Variants in EVC observed in about 807,000 individuals in gnomAD.
EVC encodes evC complex member EVC.
A neutral mutation model predicts 118.9 loss-of-function variants in EVC; 116 were observed. The observed-to-expected ratio is 0.98, with a 90% CI of 0.84 to 1.14. EVC has a LOEUF of 1.14. EVC is among the 50% of genes most tolerant of loss of function. The pLI is 0.00. For synonymous variants in EVC, 619 were observed against 534.7 expected (o/e 1.16, Z -2.18); for missense variants, 1,401 against 1,246.4 (o/e 1.12, Z -1.87).
At position 5,736,474 on chromosome 4, in the gene EVC, C is replaced by G. The variant is rs1392469219; in HGVS notation, c.702+3039C>G. Among the ~76,000 whole-genome samples the G allele has an allele frequency of 4.0e-5, 6 of 150,322 alleles. No individual in the cohort carries two copies. In the East Asian group the frequency reaches 1.2e-3, roughly 30 times the overall value. On this transcript the variant is annotated intron_variant, in intron 5 of 20. Coordinates refer to ENST00000264956, the MANE Select transcript of EVC (RefSeq NM_153717.3). ...TGTGCCTGCACACCTGGCGTTATTGCATTTCACTTAATTGCGCTTCAGAGA... is the reference window on the plus strand; with the variant it reads ...TGTGCCTGCACACCTGGCGTTATTGGATTTCACTTAATTGCGCTTCAGAGA...
chr4:5,810,244 C>A, intron 19 of EVC, 95 bp from the exon 20 acceptor site: 1 of 949,324 alleles, frequency 1.1e-6, no homozygotes, highest in Admixed American at 2.0e-5. Flanking sequence ...ACACAACATG[C>A]TCAAAAATGT....
In EVC at chr4:5,742,143, G is replaced by A. The variant is rs1178857640; in HGVS notation, c.801+329G>A. On this transcript the variant is annotated intron_variant, in intron 6 of 20. Coordinates refer to ENST00000264956, the MANE Select transcript of EVC (RefSeq NM_153717.3). This position sits in a 1 kb window ranked among gnomAD's most constrained non-coding sequence, Gnocchi z 5.2. ...TGGTTATAGCTATGTATACTACTTT[G>A]TATTCTATTCTCAGTCTTTTATGGA... 6.6e-6 allele frequency among the ~76,000 whole-genome samples: 1 copy of A among 152,030 alleles called. No individual in the cohort carries two copies. Among genetic ancestry groups the A allele is most frequent in the African/African-American group, 2.4e-5 (1 of 41,388 alleles).
chr4:5,739,070 A>C (rs976548570), intron 5 of EVC, among the ~76,000 whole-genome samples: 1 of 152,152 alleles, frequency 6.6e-6, no homozygotes, highest in Non-Finnish European at 1.5e-5. Context: ...TATTCACCTT[A>C]CTGAGGTGGC....
chr4:5,753,046 A>G lies in EVC; in HGVS notation c.1309A>G (p.Ser437Gly). 5.0e-6 allele frequency: 8 copies of G among 1,587,952 alleles called. No homozygotes were observed. Among genetic ancestry groups the G allele is most frequent in the Non-Finnish European group, 6.8e-6 (8 of 1,168,200 alleles). ...KAFWQEAERF[S>G]REFVQRGKDL... is the part of the protein sequence containing the mutation. ...CTTCTGGCAGGAGGCAGAGCGCTTCAGCCGGGGTGAGCCGTGGGCATGGGT... is the reference window on the plus strand; with the variant it reads ...CTTCTGGCAGGAGGCAGAGCGCTTCGGCCGGGGTGAGCCGTGGGCATGGGT... Residue 437 changes from serine (S) to glycine (G), a missense_variant, in exon 9 of 21, where the codon AGC (serine) becomes GGC (glycine). By Grantham distance (56) the Ser-to-Gly change is moderately conservative. Coordinates refer to ENST00000264956, the MANE Select transcript of EVC (RefSeq NM_153717.3).
In EVC at chr4:5,811,209, A is replaced by G; in HGVS notation, c.*172A>G. ...ATGTGCCCTAAAAGCATAAATGAGT[A>G]TCACCTGAGAAAATTAGGCATTCCC... On this transcript the variant is annotated 3_prime_UTR_variant, in exon 21 of 21. Coordinates refer to ENST00000264956, the MANE Select transcript of EVC (RefSeq NM_153717.3). 1 of 619,332 alleles carries G rather than the reference A, an allele frequency of 1.6e-6. No homozygotes were observed. The allele number at this position is 619,332 out of a possible 1,614,324, so 38.4% of individuals were successfully genotyped here.
In EVC at chr4:5,810,387, G is replaced by A. The variant is rs1716701144; in HGVS notation, c.2831G>A (p.Gly944Glu). 1 of 1,613,910 alleles carries A rather than the reference G, an allele frequency of 6.2e-7. No homozygotes were observed. The highest frequency in any genetic ancestry group is 1.6e-4 in the Middle Eastern group (1 of 6,062). The change falls in exon 20 of 21, where the codon GGG becomes GAG. Residue 944 changes from glycine (G) to glutamate (E), a missense_variant. Coordinates refer to ENST00000264956, the MANE Select transcript of EVC (RefSeq NM_153717.3). Reference protein sequence around the residue: ...KRKKPLPQERGDLGVPNNEDL... With the variant: ...KRKKPLPQEREDLGVPNNEDL... Reference sequence around the variant, plus strand: ...AAGAAGCCCCTGCCCCAGGAAAGAGGGGACCTGGGGGTGCCCAACAATGAG... The same window carrying A: ...AAGAAGCCCCTGCCCCAGGAAAGAGAGGACCTGGGGGTGCCCAACAATGAG...
chr4:5,818,253 CTG>C (rs749498218), downstream of EVC, among the ~76,000 whole-genome samples: 5 of 152,196 alleles, frequency 3.3e-5, no homozygotes, highest in Non-Finnish European at 5.9e-5. Context: ...CCACGTGGAA[CTG>C]TGAGTCCATT....
intron 2 of EVC, among the ~76,000 whole-genome samples, chr4:5,721,215 A>T (rs1335579621): frequency 6.6e-6 from 1 of 152,240 alleles, no homozygotes; most frequent in African/African-American, 2.4e-5. Context: ...ACTTGTACAC[A>T]AATGTTCAAA....
At chr4:5,785,784 G>A (rs1463857167) in intron 12 of EVC, among the ~76,000 whole-genome samples, 2 of 152,198 alleles carry the variant, frequency 1.3e-5, no homozygotes, top group African/African-American at 4.8e-5. Flanking sequence ...TGCAGCTTTG[G>A]AAATGATTAC....
intron 2 of EVC, among the ~76,000 whole-genome samples, chr4:5,727,346 G>GT (rs1387708581): frequency 3.9e-5 from 6 of 152,120 alleles, no homozygotes; most frequent in African/African-American, 1.2e-4. Flanking sequence ...TTTTTCATGT[G>GT]TTTTTTGGCT....
intron 1 of EVC, among the ~76,000 whole-genome samples, chr4:5,712,530 C>G (rs1027029371): frequency 4.6e-5 from 7 of 152,190 alleles, no homozygotes; most frequent in African/African-American, 1.7e-4. Flanking sequence ...ACTTCTGCCT[C>G]TTTGGGGTGG....
In EVC at chr4:5,748,243, T is replaced by C. The variant is rs2152045460; in HGVS notation, c.1035T>C (p.Thr345=). 1 of 1,614,128 alleles carries C rather than the reference T, an allele frequency of 6.2e-7. No homozygotes were observed. Among genetic ancestry groups the C allele is most frequent in the Non-Finnish European group, 8.5e-7 (1 of 1,179,970 alleles). The change falls in exon 8 of 21, where the codon ACT becomes ACC. Residue 345 remains threonine (T), a synonymous_variant. Transcript: ENST00000264956. The part of the protein sequence containing the change: ...SSSKARQLMM[T]LTERMIAAEG... ...CCAAAGCCCGACAGCTGATGATGAC[T>C]CTGACGGAAAGAATGATTGCAGCCG...
the EVC span, among the ~76,000 whole-genome samples, chr4:5,820,023 A>G: frequency 4.6e-5 from 7 of 152,184 alleles, no homozygotes; most frequent in Non-Finnish European, 7.4e-5. Context: ...ATTAGGAGCA[A>G]GGAGCTTTGG....
At chr4:5,762,370 A>G (rs1170020002) in intron 11 of EVC, among the ~76,000 whole-genome samples, 1 of 137,998 alleles carries the variant, frequency 7.2e-6, no homozygotes, top group African/African-American at 2.8e-5. Flanking sequence ...ATACGTGTGC[A>G]TGTGTCTTTA....
intron 3 of EVC, among the ~76,000 whole-genome samples, chr4:5,730,679 G>A (rs1411039601): frequency 1.3e-5 from 2 of 151,994 alleles, no homozygotes; most frequent in African/African-American, 2.4e-5. Context: ...TGTGGAGCCA[G>A]TATGGGGTCC....
At chr4:5,782,597 ATAT>A (rs1280949042) in intron 11 of EVC, among the ~76,000 whole-genome samples, 5 of 143,212 alleles carry the variant, frequency 3.5e-5, no homozygotes, top group African/African-American at 1.3e-4. Context: ...CAGGTGTTTA[ATAT>A]TATTATTATG....
rs1177564841 is a variant in EVC at position 5,719,154 on chromosome 4, G to T, written c.175-94G>T. 10 of 1,524,620 alleles carry T rather than the reference G, an allele frequency of 6.6e-6. No individual in the cohort carries two copies. Among genetic ancestry groups the T allele is most frequent in the Admixed American group, 3.3e-5 (2 of 59,730 alleles). The allele number at this position is 1,524,620 out of a possible 1,614,324, so 94.4% of individuals were successfully genotyped here. A position where few individuals can be genotyped will look rare whatever the true frequency, so the allele number is the denominator to read the frequency against. On this transcript the variant is annotated intron_variant, in intron 1 of 20. Coordinates refer to ENST00000264956, the MANE Select transcript of EVC (RefSeq NM_153717.3). The surrounding 1 kb of genome is among the most constrained non-coding windows in gnomAD (Gnocchi z 4.7). Reference sequence around the variant, plus strand: ...GAGCAGAAGTGGCTGCTGGACTGGGGGAGTTGACTGGCAAAAGTCACGGTG... The same window carrying T: ...GAGCAGAAGTGGCTGCTGGACTGGGTGAGTTGACTGGCAAAAGTCACGGTG...
intron 2 of EVC, among the ~76,000 whole-genome samples, chr4:5,720,734 G>A (rs1724809542): frequency 6.6e-6 from 1 of 152,184 alleles, no homozygotes; most frequent in Admixed American, 6.5e-5. Flanking sequence ...AGCCTCTGCT[G>A]CTATCCCGGG....
intron 14 of EVC, chr4:5,797,553 C>G: frequency 2.0e-6 from 1 of 492,620 alleles, no homozygotes; most frequent in South Asian, 2.1e-5. Context: ...CTGTGGGTGT[C>G]CCATCTCTTA....
Sources: gnomAD v4.1 joint callset for allele counts (sites outside exome capture counted in the v4.1 genomes callset) on GRCh38, gnomAD v4.1.1 for gene constraint, Gnocchi (gnomAD v3.1) non-coding constraint, MANE v1.5 for transcripts, NCBI Gene and HGNC (gene_info 2026-07-23, HGNC 2026-07-21) for gene names.